Variants in SHROOM4 observed in about 807,000 individuals in gnomAD.
SHROOM4 encodes the protein protein Shroom4.
Under a neutral mutation model 80.3 loss-of-function variants are expected in SHROOM4, and 17 were observed. The observed-to-expected ratio is 0.21, with a 90% CI of 0.14 to 0.32. The LOEUF is 0.32. Ranked by LOEUF, SHROOM4 falls within the 10% of genes least tolerant of loss-of-function variation. The pLI, the probability that SHROOM4 is intolerant of heterozygous loss-of-function variation, is 1.00. For missense variants in SHROOM4, 993 were observed against 1,140.3 expected, an observed-to-expected ratio of 0.87 and a Z score of 1.86; for synonymous variants, 400 against 437.5, an observed-to-expected ratio of 0.91 and a Z score of 1.07.
rs1350088635 is a variant in SHROOM4, at chrX:50,589,602, A to C, written c.*7093T>G. 2.9e-4 allele frequency among the ~76,000 whole-genome samples: 32 copies of C among 112,151 alleles called. 1 individual carries two copies. Among genetic ancestry groups the C allele is most frequent in the Admixed American group, 2.6e-3 (28 of 10,582 alleles). ...AAGGTTCATCAATGTTACATGTATCAGTATTTTATCCATTTTTATGGCTAA... is the reference window on the plus strand; with the variant it reads ...AAGGTTCATCAATGTTACATGTATCCGTATTTTATCCATTTTTATGGCTAA... On this transcript the variant is annotated 3_prime_UTR_variant, in exon 9 of 9. Coordinates refer to ENST00000376020, the MANE Select transcript of SHROOM4 (RefSeq NM_020717.5).
At chrX:50,606,782 G>T (rs998089935) in intron 6 of SHROOM4, among the ~76,000 whole-genome samples, 11 of 110,293 alleles carry the variant, frequency 1.0e-4, no homozygotes, top group African/African-American at 3.6e-4. Context: ...CAAGGAGGGG[G>T]AGAAAGTGGA....
At chrX:50,733,928 A>G (rs1334556071) in intron 1 of SHROOM4, among the ~76,000 whole-genome samples, 6 of 112,226 alleles carry the variant, frequency 5.3e-5, no homozygotes, top group Admixed American at 3.8e-4. Flanking sequence ...AAAGTTTGCA[A>G]GGTATAAGAT....
chrX:50,621,180 CAT>C (rs1184537538), intron 5 of SHROOM4, among the ~76,000 whole-genome samples: 2 of 111,954 alleles, frequency 1.8e-5, no homozygotes, highest in East Asian at 2.8e-4. Flanking sequence ...AAATTCCCAA[CAT>C]TTTTTAAAGA....
intron 2 of SHROOM4, among the ~76,000 whole-genome samples, chrX:50,658,802 A>G (rs1932399651): frequency 9.0e-6 from 1 of 111,395 alleles, no homozygotes; most frequent in African/African-American, 3.3e-5. Context: ...ACCATGAATT[A>G]GCCATGGGGA....
chrX:50,665,426 T>C (rs1557260271), intron 2 of SHROOM4, among the ~76,000 whole-genome samples: 1 of 110,836 alleles, frequency 9.0e-6, no homozygotes, highest in Non-Finnish European at 1.9e-5. Flanking sequence ...TAACACAGGG[T>C]GAGGCAAGGG....
At chrX:50,763,884 A>G (rs188930370) in intron 1 of SHROOM4, among the ~76,000 whole-genome samples, 5 of 111,322 alleles carry the variant, frequency 4.5e-5, no homozygotes, top group Non-Finnish European at 9.4e-5. Flanking sequence ...CCTGACCCCC[A>G]GTGATCTTAA....
chrX:50,599,393 G>T (rs902974585), intron 7 of SHROOM4, among the ~76,000 whole-genome samples: 1 of 111,353 alleles, frequency 9.0e-6, no homozygotes, highest in Non-Finnish European at 1.9e-5. Flanking sequence ...TTGCCACTTC[G>T]TAGCTGTGGG....
intron 1 of SHROOM4, among the ~76,000 whole-genome samples, chrX:50,716,490 A>AT (rs1333613840): frequency 8.9e-6 from 1 of 111,809 alleles, no homozygotes; most frequent in African/African-American, 3.3e-5. Context: ...ATTAAAAATA[A>AT]TTTTTTTACA....
chrX:50,604,150 T>C (rs1469823368), intron 6 of SHROOM4, among the ~76,000 whole-genome samples: 5 of 112,255 alleles, frequency 4.5e-5, no homozygotes, highest in African/African-American at 1.6e-4. Flanking sequence ...CAATATTTTT[T>C]ATCCTAGGTA....
chrX:50,674,765 T>C (rs1173541474), intron 2 of SHROOM4, among the ~76,000 whole-genome samples: 2 of 112,090 alleles, frequency 1.8e-5, no homozygotes, highest in African/African-American at 3.2e-5. Context: ...CATTCATTCC[T>C]TCATTAATTG....
chrX:50,786,654 AG>A lies in SHROOM4; in HGVS notation c.117+27247del, dbSNP rs782584306. Among the ~76,000 whole-genome samples, 681 of 111,681 alleles carry A rather than the reference AG, an allele frequency of 6.1e-3. 9 individuals carry two copies. The highest frequency in any genetic ancestry group is 0.021 in the African/African-American group (645 of 30,728). ...AAATCTCTAGCTGGCCTGACTGATG[AG>A]GGTCTTCTCCTGTATAAGGCTAGGC... On this transcript the variant is annotated intron_variant, in intron 1 of 8. Transcript: ENST00000376020.
chrX:50,785,353 C>T (rs1935718401), intron 1 of SHROOM4, among the ~76,000 whole-genome samples: 2 of 111,582 alleles, frequency 1.8e-5, no homozygotes, highest in Non-Finnish European at 1.9e-5. Context: ...TTCATAGCAG[C>T]TTTATTCATA....
In SHROOM4 at chrX:50,721,012, T is replaced by G. The variant is rs146839593; in HGVS notation, c.118-25075A>C. Among the ~76,000 whole-genome samples, 8 of 111,672 alleles carry G rather than the reference T, an allele frequency of 7.2e-5. No individual in the cohort carries two copies. The East Asian group carries it at 1.7e-3, about 24-fold the overall frequency. ...TGTGGGTTTTCTCCTGGAGATGAGATAGACTGGAAGAGAGGGAGTACTGAT... is the reference window on the plus strand; with the variant it reads ...TGTGGGTTTTCTCCTGGAGATGAGAGAGACTGGAAGAGAGGGAGTACTGAT... On this transcript the variant is annotated intron_variant, in intron 1 of 8. Coordinates refer to ENST00000376020, the MANE Select transcript of SHROOM4 (RefSeq NM_020717.5).
chrX:50,611,722 C>T (rs980209451), intron 5 of SHROOM4, among the ~76,000 whole-genome samples: 2 of 110,300 alleles, frequency 1.8e-5, no homozygotes, highest in African/African-American at 3.3e-5. Context: ...GAGTTCCAGA[C>T]GAGGCTGTCC....
At chrX:50,812,039 C>T (rs980169545) in intron 1 of SHROOM4, among the ~76,000 whole-genome samples, 4 of 109,687 alleles carry the variant, frequency 3.6e-5, no homozygotes, top group African/African-American at 1.3e-4. Flanking sequence ...ACAAAATAAT[C>T]CGGGACCACA....
At chrX:50,660,790 G>C (rs1932481749) in intron 2 of SHROOM4, among the ~76,000 whole-genome samples, 1 of 108,045 alleles carries the variant, frequency 9.3e-6, no homozygotes, top group African/African-American at 3.4e-5. Context: ...CTAATTTTTA[G>C]ACTTTTTGTC....
At chrX:50,579,397 G>A in the SHROOM4 span, among the ~76,000 whole-genome samples, 1 of 112,148 alleles carries the variant, frequency 8.9e-6, no homozygotes, top group South Asian at 3.7e-4. Context: ...TGGATGACAT[G>A]TCTGCATGGA....
At chrX:50,624,597 TTTTTTATC>T (rs1409145851) in intron 5 of SHROOM4, among the ~76,000 whole-genome samples, 2 of 104,724 alleles carry the variant, frequency 1.9e-5, no homozygotes, top group African/African-American at 6.9e-5. Flanking sequence ...CTCAGAGTTG[TTTTTTATC>T]TTTTTATCTT....
At chrX:50,773,284 T>A (rs1301458585) in intron 1 of SHROOM4, among the ~76,000 whole-genome samples, 1 of 112,364 alleles carries the variant, frequency 8.9e-6, no homozygotes, top group African/African-American at 3.2e-5. Context: ...TTAACATGGC[T>A]TAAGGTTGAG....
Sources: gnomAD v4.1 joint callset for allele counts (sites outside exome capture counted in the v4.1 genomes callset) on GRCh38, gnomAD v4.1.1 for gene constraint, MANE v1.5 for transcripts, NCBI Gene and HGNC (gene_info 2026-07-23, HGNC 2026-07-21) for gene names.